The following PRRC2B variants were observed in gnomAD, a reference collection of about 807,000 sequenced individuals.
PRRC2B encodes the protein protein PRRC2B.
In PRRC2B, 68 loss-of-function variants were observed where a neutral mutation model predicts 242.3. The observed-to-expected ratio is 0.28, with a 90% CI of 0.23 to 0.34. The LOEUF (loss-of-function observed/expected upper bound fraction) is 0.34. Ranked by LOEUF, PRRC2B falls within the 10% of genes least tolerant of loss-of-function variation. The pLI, the probability that PRRC2B is intolerant of heterozygous loss-of-function variation, is 1.00. For synonymous variants in PRRC2B, 1,228 were observed against 1,173.6 expected (o/e 1.05, Z -0.95); for missense variants, 2,835 against 2,954.8 (o/e 0.96, Z 0.94).
chr9:131,423,741 C>T (rs1201732806), intron 1 of PRRC2B, among the ~76,000 whole-genome samples: 2 of 152,192 alleles, frequency 1.3e-5, no homozygotes, highest in Non-Finnish European at 2.9e-5. Flanking sequence ...TCTGATGGAA[C>T]GTTGAGGCTG....
Position 131,493,100 on chromosome 9 carries a change from A to G in PRRC2B, c.6473+840A>G, listed in dbSNP as rs1341659913. ...GGAGCGCTCTGCAAGCCGGGCCCCC[A>G]TGGTCTGCAAGTTGCTCCAGCTGCA... On this transcript the variant is annotated intron_variant, in intron 30 of 31. Transcript: ENST00000683519. 2.6e-5 allele frequency among the ~76,000 whole-genome samples: 4 copies of G among 152,006 alleles called. No homozygotes were observed. The East Asian group carries it at 5.8e-4, about 22-fold the overall frequency.
chr9:131,451,631 C>T (rs906549971), intron 9 of PRRC2B, among the ~76,000 whole-genome samples: 1 of 151,886 alleles, frequency 6.6e-6, no homozygotes, highest in Non-Finnish European at 1.5e-5. Context: ...TAATATTAAC[C>T]TCAAGTTCTT....
intron 17 of PRRC2B, 68 bp from the exon 18 acceptor site, chr9:131,478,406 T>C: frequency 6.8e-7 from 1 of 1,477,922 alleles, no homozygotes; most frequent in African/African-American, 1.4e-5. Context: ...CAGGCGCCTG[T>C]TGAATTGGGT....
intron 1 of PRRC2B, among the ~76,000 whole-genome samples, chr9:131,375,964 A>C (rs1407486802): frequency 6.9e-6 from 1 of 144,596 alleles, no homozygotes; most frequent in African/African-American, 2.6e-5. Flanking sequence ...CAGGAGAATC[A>C]CTTGAACCCA....
At chr9:131,421,903 T>A (rs1401634240) in intron 1 of PRRC2B, among the ~76,000 whole-genome samples, 1 of 152,204 alleles carries the variant, frequency 6.6e-6, no homozygotes, top group Non-Finnish European at 1.5e-5. Flanking sequence ...TCTGCACCGG[T>A]ACTCCCACTG....
chr9:131,382,496 C>T (rs947807741), intron 1 of PRRC2B, among the ~76,000 whole-genome samples: 12 of 152,210 alleles, frequency 7.9e-5, no homozygotes, highest in South Asian at 2.1e-4. Context: ...TTGAGCCCCT[C>T]GGAGACTTGC....
intron 1 of PRRC2B, among the ~76,000 whole-genome samples, chr9:131,421,878 GTGCCGCCTTTCGTGTC>G: frequency 6.6e-6 from 1 of 152,148 alleles, no homozygotes; most frequent in Non-Finnish European, 1.5e-5. Flanking sequence ...AGAACCCATT[GTGCCGCCTTTCGTGTC>G]TGCACCGGTA....
rs528351481 is a variant in PRRC2B, at chr9:131,384,754, C to T, written c.-56+11023C>T. Among the ~76,000 whole-genome samples, 25 of 151,894 alleles carry T rather than the reference C, an allele frequency of 1.6e-4. No individual in the cohort carries two copies. In the South Asian group the frequency reaches 4.8e-3, roughly 29 times the overall value. On this transcript the variant is annotated intron_variant, in intron 1 of 1. Transcript: ENST00000682525. ...TTTTTTAGTAGAGACGGGGTTTCACCATGCTGATCAGGCTAGTCATGAACT... is the reference window on the plus strand; with the variant it reads ...TTTTTTAGTAGAGACGGGGTTTCACTATGCTGATCAGGCTAGTCATGAACT...
chr9:131,461,574 A>T (rs1291831494), intron 11 of PRRC2B, among the ~76,000 whole-genome samples: 2 of 152,124 alleles, frequency 1.3e-5, no homozygotes, highest in Non-Finnish European at 2.9e-5. Flanking sequence ...ATGGAGTCTC[A>T]CTCTGTCGCC....
chr9:131,446,248 C>T lies in PRRC2B; in HGVS notation c.614-153C>T, dbSNP rs1179435039. 3.3e-5 allele frequency among the ~76,000 whole-genome samples: 5 copies of T among 152,228 alleles called. No individual in the cohort carries two copies. In the East Asian group the frequency reaches 9.6e-4, roughly 29 times the overall value. On this transcript the variant is annotated intron_variant, in intron 6 of 31. Coordinates refer to ENST00000683519, the MANE Select transcript of PRRC2B (RefSeq NM_013318.4). This position sits in a 1 kb window ranked among gnomAD's most constrained non-coding sequence, Gnocchi z 4.1. ...GGCCAGGGGTCTGCCCCAACCTTCC[C>T]TGACAGATTTAACAGTTCTTCACTT...
intron 19 of PRRC2B, among the ~76,000 whole-genome samples, chr9:131,481,324 A>AAG (rs1439441786): frequency 6.6e-6 from 1 of 151,334 alleles, no homozygotes; most frequent in Non-Finnish European, 1.5e-5. Context: ...AAAAAAAAAA[A>AAG]AAAAAAAAGA....
At chr9:131,463,098 C>A (rs191861285) in intron 11 of PRRC2B, among the ~76,000 whole-genome samples, 21 of 152,194 alleles carry the variant, frequency 1.4e-4, no homozygotes, top group Admixed American at 4.6e-4. Context: ...GAGCCATGAA[C>A]TGATCAATAC....
chr9:131,395,887 G>A (rs1314463325), intron 1 of PRRC2B, among the ~76,000 whole-genome samples: 3 of 152,176 alleles, frequency 2.0e-5, no homozygotes, highest in Non-Finnish European at 4.4e-5. Flanking sequence ...AGAACAGTAC[G>A]AGATGCTCAG....
At chr9:131,406,541 G>A (rs1837365717) in intron 1 of PRRC2B, among the ~76,000 whole-genome samples, 1 of 152,166 alleles carries the variant, frequency 6.6e-6, no homozygotes, top group African/African-American at 2.4e-5. Flanking sequence ...GTTCCTTTCA[G>A]CCACTTAGAC....
At chr9:131,462,984 TC>T (rs1232933506) in intron 11 of PRRC2B, among the ~76,000 whole-genome samples, 8 of 152,084 alleles carry the variant, frequency 5.3e-5, no homozygotes, top group Non-Finnish European at 2.9e-5. Context: ...TTATTTCCTT[TC>T]CAGGAAATTA....
intron 1 of PRRC2B, among the ~76,000 whole-genome samples, chr9:131,428,438 C>T (rs1838032975): frequency 1.3e-5 from 2 of 151,964 alleles, no homozygotes; most frequent in South Asian, 2.1e-4. Context: ...CCTCTGTCAC[C>T]CAGGCTGCAG....
rs746956072 is a variant in PRRC2B, at chr9:131,476,288, C to T, written c.4159C>T (p.Arg1387Trp). ...CGAAAGCAGCGACTTCAGCGAGCGG[C>T]GGGAGCGGCGGGAAGGCCCTGGGTC... ...ASESSDFSER[R>W]ERREGPGSEP... The change falls in exon 16 of 32, where the codon CGG becomes TGG. Residue 1387 changes from arginine (R) to tryptophan (W), a missense_variant. Around this residue, in one of 7 missense-constraint regions of PRRC2B, gnomAD observed 1,536 missense variants for 1,483.1 expected, o/e 1.04. Transcript: ENST00000683519. 14 of 1,585,980 alleles carry T rather than the reference C, an allele frequency of 8.8e-6. No homozygotes were observed. The Admixed American group carries it at 1.3e-4, about 14-fold the overall frequency.
intron 28 of PRRC2B, among the ~76,000 whole-genome samples, chr9:131,488,779 C>G (rs1284326807): frequency 6.6e-6 from 1 of 152,242 alleles, no homozygotes; most frequent in African/African-American, 2.4e-5. Context: ...TAGACTGTGC[C>G]TGACAAGCCC....
At chr9:131,491,626 G>A in intron 29 of PRRC2B, 46 bp downstream of exon 29, 1 of 1,529,876 alleles carries the variant, frequency 6.5e-7, no homozygotes, top group Non-Finnish European at 8.8e-7. Context: ...GGGGCCTTGT[G>A]TCACCAACTT....
Sources: gnomAD v4.1 joint callset for allele counts (sites outside exome capture counted in the v4.1 genomes callset) on GRCh38, gnomAD v4.1.1 for gene constraint, gnomAD v4.1.1 regional missense constraint, Gnocchi (gnomAD v3.1) non-coding constraint, MANE v1.5 for transcripts, NCBI Gene and HGNC (gene_info 2026-07-23, HGNC 2026-07-21) for gene names.